The following NOL4 variants were observed in gnomAD, a reference collection of about 807,000 sequenced individuals.
NOL4 encodes the protein nucleolar protein 4, also known as cancer/testis antigen 125.
A neutral mutation model predicts 75.9 loss-of-function variants in NOL4; 17 were observed. The ratio of observed to expected loss-of-function variants is 0.22; its 90% confidence interval spans 0.15 to 0.34. The LOEUF (loss-of-function observed/expected upper bound fraction) is 0.34, where lower values mean the gene tolerates loss of function less well. Ranked by LOEUF, NOL4 falls within the 10% of genes least tolerant of loss-of-function variation. NOL4 has a pLI of 1.00. For synonymous variants in NOL4, 292 were observed against 289.9 expected, an observed-to-expected ratio of 1.01 and a Z score of -0.07; for missense variants, 614 against 793.5, an observed-to-expected ratio of 0.77 and a Z score of 2.72.
At chr18:34,102,664 T>C (rs905250497) in intron 4 of NOL4, among the ~76,000 whole-genome samples, 56 of 152,044 alleles carry the variant, frequency 3.7e-4, no homozygotes, top group Non-Finnish European at 4.3e-4. Flanking sequence ...TGGCACAAAG[T>C]GGATCTTCTT....
intron 9 of NOL4, among the ~76,000 whole-genome samples, chr18:33,899,708 C>T (rs2065635180): frequency 6.6e-6 from 1 of 152,146 alleles, no homozygotes. Flanking sequence ...GCCGGGAACT[C>T]CCTTTTCCCT....
intron 9 of NOL4, among the ~76,000 whole-genome samples, chr18:33,891,423 G>C (rs964838845): frequency 1.3e-5 from 2 of 152,118 alleles, no homozygotes; most frequent in African/African-American, 4.8e-5. Context: ...AAGGTGCAAA[G>C]TATTCTTTCT....
chr18:34,103,969 A>G, intron 4 of NOL4, 78 bp downstream of exon 4: 2 of 928,998 alleles, frequency 2.2e-6, no homozygotes, highest in East Asian at 4.9e-5. Flanking sequence ...AAATGCCATC[A>G]TGCTTAATAT....
rs777563176 is a variant in NOL4, at chr18:33,851,768, T to C, written c.*1074A>G. On this transcript the variant is annotated 3_prime_UTR_variant, in exon 11 of 11. Transcript: ENST00000261592. ...GCAGCTGCATCCGCTGAGAGTTCCT[T>C]ACATTATTTTTAGCTAGAACTGAAA... The C allele has an allele frequency of 6.6e-6, 1 of 152,514 alleles. No homozygotes were observed. The highest frequency in any genetic ancestry group is 2.4e-5 in the African/African-American group (1 of 41,440). The allele number at this position is 152,514 out of a possible 1,614,324, so 9.4% of individuals were successfully genotyped here. A position where few individuals can be genotyped will look rare whatever the true frequency, so the allele number is the denominator to read the frequency against.
chr18:33,950,242 G>T (rs2069122539), intron 8 of NOL4, among the ~76,000 whole-genome samples: 1 of 149,976 alleles, frequency 6.7e-6, no homozygotes. Context: ...CACTTTAATA[G>T]TTTAAAAAGA....
chr18:33,905,032 G>T (rs1599817992), intron 9 of NOL4, among the ~76,000 whole-genome samples: 1 of 152,154 alleles, frequency 6.6e-6, no homozygotes, highest in South Asian at 2.1e-4. Flanking sequence ...ATTGCCAGTT[G>T]CCCTGCCATA....
At chr18:33,932,376 A>T (rs2067755458) in intron 9 of NOL4, among the ~76,000 whole-genome samples, 1 of 152,086 alleles carries the variant, frequency 6.6e-6, no homozygotes, top group African/African-American at 2.4e-5. Context: ...TAAAGTTAAG[A>T]CAAGCTTTTA....
At chr18:33,998,292 T>C (rs1269318844) in intron 6 of NOL4, among the ~76,000 whole-genome samples, 1 of 152,084 alleles carries the variant, frequency 6.6e-6, no homozygotes, top group African/African-American at 2.4e-5. Flanking sequence ...TTACAAATAA[T>C]GCTACTAAAA....
At chr18:33,953,026 A>G (rs1468322860) in intron 8 of NOL4, among the ~76,000 whole-genome samples, 2 of 152,080 alleles carry the variant, frequency 1.3e-5, no homozygotes, top group Non-Finnish European at 2.9e-5. Context: ...TAAAGTCAAT[A>G]AAAGTGAGGC....
At chr18:34,188,397 C>T (rs2034653058) in intron 1 of NOL4, among the ~76,000 whole-genome samples, 1 of 152,104 alleles carries the variant, frequency 6.6e-6, no homozygotes, top group East Asian at 1.9e-4. Context: ...GCAGATATTC[C>T]TCAACATATA....
chr18:34,062,387 G>C (rs564060732), intron 5 of NOL4, among the ~76,000 whole-genome samples: 2 of 152,110 alleles, frequency 1.3e-5, no homozygotes, highest in Admixed American at 6.6e-5. Flanking sequence ...AATAATGCTA[G>C]ATCTCATTTA....
chr18:34,066,783 T>G (rs964897832), intron 5 of NOL4, among the ~76,000 whole-genome samples: 22 of 151,712 alleles, frequency 1.5e-4, no homozygotes, highest in African/African-American at 1.9e-4. Context: ...GCTTTTTCTA[T>G]TCTATCTCTA....
intron 1 of NOL4, 131 bp from the exon 2 acceptor site, chr18:34,130,151 T>G: frequency 1.3e-6 from 1 of 790,096 alleles, no homozygotes; most frequent in Non-Finnish European, 1.8e-6. Context: ...CGTCAAAAAT[T>G]CATGAATGAA....
At chr18:34,110,758 G>A (rs933484668) in intron 2 of NOL4, among the ~76,000 whole-genome samples, 5 of 152,018 alleles carry the variant, frequency 3.3e-5, no homozygotes, top group South Asian at 2.1e-4. Flanking sequence ...GCTTACAAGT[G>A]AAATTATCTT....
At chr18:34,062,665 T>C (rs1359109482) in intron 5 of NOL4, among the ~76,000 whole-genome samples, 23 of 152,112 alleles carry the variant, frequency 1.5e-4, no homozygotes, top group Non-Finnish European at 2.9e-5. Flanking sequence ...AAAAATAGAA[T>C]AACATATTCA....
intron 9 of NOL4, among the ~76,000 whole-genome samples, chr18:33,909,124 T>G (rs1436606988): frequency 6.6e-6 from 1 of 152,172 alleles, no homozygotes; most frequent in Non-Finnish European, 1.5e-5. Context: ...TATGCACATA[T>G]GCACCTATCA....
At chr18:34,113,257 G>T (rs1049886266) in intron 2 of NOL4, among the ~76,000 whole-genome samples, 2 of 152,084 alleles carry the variant, frequency 1.3e-5, no homozygotes, top group African/African-American at 2.4e-5. Context: ...TGGGATTACA[G>T]GCATGAGCAA....
At chr18:33,943,561 G>C (rs1475725657) in intron 8 of NOL4, among the ~76,000 whole-genome samples, 1 of 151,752 alleles carries the variant, frequency 6.6e-6, no homozygotes, top group East Asian at 1.9e-4. Context: ...AAAAACAAGT[G>C]ACAGGGCTAA....
At chr18:33,996,794 T>C (rs2073319304) in intron 6 of NOL4, among the ~76,000 whole-genome samples, 1 of 151,928 alleles carries the variant, frequency 6.6e-6, no homozygotes, top group Admixed American at 6.6e-5. Flanking sequence ...CAATATTTTC[T>C]TTATCAAGTC....
Sources: allele counts gnomAD v4.1 joint callset (sites outside exome capture counted in the v4.1 genomes callset), GRCh38; gene constraint gnomAD v4.1.1; transcripts MANE v1.5; gene names NCBI Gene and HGNC (gene_info 2026-07-23, HGNC 2026-07-21).